KLF4: variants seen among roughly 807,000 people sequenced by gnomAD.
KLF4 encodes the protein Krueppel-like factor 4.
Under a neutral mutation model 38.0 loss-of-function variants are expected in KLF4, and 14 were observed. The observed-to-expected ratio is 0.37, with a 90% confidence interval of 0.24 to 0.58. The LOEUF (loss-of-function observed/expected upper bound fraction) is 0.58. Among genes scored for constraint, KLF4 ranks in the 20% least tolerant of loss-of-function variants. The pLI is 0.76. For missense variants in KLF4, 737 were observed against 670.1 expected (o/e 1.10, Z -1.10); for synonymous variants, 398 against 302.5 (o/e 1.32, Z -3.28).
At position 107,485,390 on chromosome 9, in the gene KLF4, T is replaced by A. The variant is rs1365387426; in HGVS notation, c.*361A>T. ...GGTGATCTTTTATGCTTATATTGCA[T>A]CAATACACAATTCAAGGGAATTCTG... is the stretch of plus-strand genomic sequence containing the variant. On this transcript the variant is annotated 3_prime_UTR_variant, in exon 5 of 5. Coordinates refer to ENST00000374672, the MANE Select transcript of KLF4 (RefSeq NM_004235.6). This position sits in a 1 kb window ranked among gnomAD's most constrained non-coding sequence, Gnocchi z 4.9. 1.2e-5 allele frequency: 3 copies of A among 259,610 alleles called. No individual in the cohort carries two copies. Among genetic ancestry groups the A allele is most frequent in the African/African-American group, 6.5e-5 (3 of 46,046 alleles). 16.1% of individuals were successfully genotyped at this position (259,610 alleles called of 1,614,324 possible).
In KLF4 at chr9:107,487,363, G is replaced by A. The variant is rs764221089; in HGVS notation, c.1031C>T (p.Pro344Leu). 8 of 1,541,674 alleles carry A rather than the reference G, an allele frequency of 5.2e-6. No homozygotes were observed. The African/African-American group carries it at 9.6e-5, about 19-fold the overall frequency. Residue 344 changes from proline to leucine, a missense_variant, in exon 3 of 5, where the codon CCG becomes CTG. Coordinates refer to ENST00000374672, the MANE Select transcript of KLF4 (RefSeq NM_004235.6). This position sits in a 1 kb window ranked among gnomAD's most constrained non-coding sequence, Gnocchi z 6.1. ...CAGGAAGGATGGGTAATTGGGCCCC[G>A]GGTGGGGATGGAAGCCGGGAGGAAG... ...LPLPPGFHPH[P>L]GPNYPSFLPD... is the part of the protein sequence containing the mutation.
At position 107,487,482 on chromosome 9, in the gene KLF4, G is replaced by C. The variant is rs533200058; in HGVS notation, c.912C>G (p.Asp304Glu). Residue 304 changes from aspartate to glutamate, a missense_variant, in exon 3 of 5, where the codon GAC becomes GAG. Physicochemically the swap from Asp to Glu is conservative, Grantham distance 45. Transcript: ENST00000374672. This position sits in a 1 kb window ranked among gnomAD's most constrained non-coding sequence, Gnocchi z 6.1. ...TGGGGAGCTGCCGCCCCAGGGGGAAGTCGTGTGCAGCCGGCCGGTGGCCAT... is the reference window on the plus strand; with the variant it reads ...TGGGGAGCTGCCGCCCCAGGGGGAACTCGTGTGCAGCCGGCCGGTGGCCAT... ...LSNGHRPAAH[D>E]FPLGRQLPSR... The C allele has an allele frequency of 1.9e-6, 3 of 1,541,800 alleles. No homozygotes were observed. The African/African-American group carries it at 4.1e-5, about 21-fold the overall frequency.
Position 107,485,289 on chromosome 9 carries a change from A to G in KLF4, c.*462T>C, listed in dbSNP as rs1829040548. The G allele has an allele frequency of 4.6e-6, 1 of 218,568 alleles. No individual in the cohort carries two copies. The highest frequency in any genetic ancestry group is 9.2e-6 in the Non-Finnish European group (1 of 108,854). The allele number at this position is 218,568 out of a possible 1,614,324, so 13.5% of individuals were successfully genotyped here. A position where few individuals can be genotyped will look rare whatever the true frequency, so the allele number is the denominator to read the frequency against. ...GCACCATCATTTAGGCTATTTAAAC[A>G]TGTTTTCTGTACCTGAATTTCTTCC... is the stretch of plus-strand genomic sequence containing the variant. On this transcript the variant is annotated 3_prime_UTR_variant, in exon 5 of 5. Transcript: ENST00000374672. The surrounding 1 kb of genome is among the most constrained non-coding windows in gnomAD (Gnocchi z 4.9).
chr9:107,488,453 G>A lies in KLF4; in HGVS notation c.127-186C>T, dbSNP rs990936170. The A allele has an allele frequency of 9.5e-7, 1 of 1,053,146 alleles. No individual in the cohort carries two copies. Among genetic ancestry groups the A allele is most frequent in the Non-Finnish European group, 1.3e-6 (1 of 751,958 alleles). The allele number at this position is 1,053,146 out of a possible 1,614,324, so 65.2% of individuals were successfully genotyped here. A position where few individuals can be genotyped will look rare whatever the true frequency, so the allele number is the denominator to read the frequency against. On this transcript the variant is annotated intron_variant, in intron 2 of 4. Transcript: ENST00000374672. The surrounding 1 kb of genome is among the most constrained non-coding windows in gnomAD (Gnocchi z 5.7). ...CCCACTCCCGGGTCGAAGAAGAGGTGATGCGTCTGTATTGCGGGTGTTATG... is the reference window on the plus strand; with the variant it reads ...CCCACTCCCGGGTCGAAGAAGAGGTAATGCGTCTGTATTGCGGGTGTTATG...
chr9:107,487,803 G>A lies in KLF4; in HGVS notation c.591C>T (p.Gly197=), dbSNP rs1321745851. The change falls in exon 3 of 5, where the codon GGC becomes GGT. Residue 197 remains glycine, a synonymous_variant. Coordinates refer to ENST00000374672, the MANE Select transcript of KLF4 (RefSeq NM_004235.6). The surrounding 1 kb of genome is among the most constrained non-coding windows in gnomAD (Gnocchi z 6.1). ...LADINDVSPS[G]GFVAELLRPE... Reference sequence around the variant, plus strand: ...GCCGCAGGAGCTCGGCCACGAAGCCGCCCGAGGGGCTCACGTCGTTGATGT... The same window carrying A: ...GCCGCAGGAGCTCGGCCACGAAGCCACCCGAGGGGCTCACGTCGTTGATGT... 1.3e-6 allele frequency: 2 copies of A among 1,535,184 alleles called. No individual in the cohort carries two copies. Among genetic ancestry groups the A allele is most frequent in the Non-Finnish European group, 1.8e-6 (2 of 1,138,570 alleles).
In KLF4 at chr9:107,485,897, C is replaced by T. The variant is rs753608532; in HGVS notation, c.1294G>A (p.Gly432Ser). The stretch of plus-strand genomic sequence containing the variant: ...GAGCGGGCGAATTTCCATCCACAGC[C>T]GTCCCAGTCACAGTGGTAAGGTTTC... ...GEKPYHCDWD[G>S]CGWKFARSDE... The change falls in exon 5 of 5, where the codon GGC becomes AGC. Residue 432 changes from glycine to serine, a missense_variant. Gly to Ser is a moderately conservative substitution (Grantham distance 56). Coordinates refer to ENST00000374672, the MANE Select transcript of KLF4 (RefSeq NM_004235.6). The surrounding 1 kb of genome is among the most constrained non-coding windows in gnomAD (Gnocchi z 4.9). The T allele has an allele frequency of 1.1e-5, 18 of 1,610,338 alleles. No individual in the cohort carries two copies. Among genetic ancestry groups the T allele is most frequent in the East Asian group, 4.5e-5 (2 of 44,672 alleles).
At chr9:107,486,819 T>C (rs1413936791) in intron 4 of KLF4, among the ~76,000 whole-genome samples, 1 of 152,032 alleles carries the variant, frequency 6.6e-6, no homozygotes, top group Non-Finnish European at 1.5e-5. Flanking sequence ...GGCAGAAAAG[T>C]AGGCGCCGGT....
rs572022198 is a variant in KLF4 at position 107,488,529 on chromosome 9, C to T, written c.127-262G>A. On this transcript the variant is annotated intron_variant, in intron 2 of 4. Transcript: ENST00000374672. This position sits in a 1 kb window ranked among gnomAD's most constrained non-coding sequence, Gnocchi z 5.7. ...CGAGCGCCGCGGCTGGTCCCTCCCCCTCCAGGTCCCGTGGACGTCCCCGGA... is the reference window on the plus strand; with the variant it reads ...CGAGCGCCGCGGCTGGTCCCTCCCCTTCCAGGTCCCGTGGACGTCCCCGGA... 5.4e-6 allele frequency: 3 copies of T among 560,626 alleles called. No individual in the cohort carries two copies. Among genetic ancestry groups the T allele is most frequent in the African/African-American group, 3.9e-5 (2 of 51,848 alleles). 34.7% of individuals were successfully genotyped at this position (560,626 alleles called of 1,614,324 possible). A position where few individuals can be genotyped will look rare whatever the true frequency, so the allele number is the denominator to read the frequency against.
Position 107,487,691 on chromosome 9 carries a change from GCGA to G in KLF4, c.700_702del (p.Ser234del). The G allele has an allele frequency of 6.2e-7, 1 of 1,606,044 alleles. No individual in the cohort carries two copies. Among genetic ancestry groups the G allele is most frequent in the Middle Eastern group, 1.7e-4 (1 of 6,054 alleles). The stretch of plus-strand genomic sequence containing the variant: ...CCGTACTCGCTGCCAGGGGCGCTCA[GCGA>G]CGCCTTCAGCACGAACTTGCCCATC... On this transcript the variant is annotated inframe_deletion, in exon 3 of 5. Coordinates refer to ENST00000374672, the MANE Select transcript of KLF4 (RefSeq NM_004235.6). The surrounding 1 kb of genome is among the most constrained non-coding windows in gnomAD (Gnocchi z 6.1).
chr9:107,486,328 G>A (rs1007004900), intron 4 of KLF4, among the ~76,000 whole-genome samples: 1 of 152,064 alleles, frequency 6.6e-6, no homozygotes, highest in African/African-American at 2.4e-5. Flanking sequence ...GGGATAAAAA[G>A]CCACAGGTGG....
rs1254990920 is a variant in KLF4 at position 107,488,021 on chromosome 9, A to G, written c.373T>C (p.Ser125Pro). The G allele has an allele frequency of 2.2e-5, 35 of 1,608,526 alleles. No homozygotes were observed. Among genetic ancestry groups the G allele is most frequent in the Non-Finnish European group, 2.7e-5 (32 of 1,178,116 alleles). The change falls in exon 3 of 5, where the codon TCC becomes CCC. Residue 125 changes from serine (S) to proline (P), a missense_variant. By Grantham distance (74) the Ser-to-Pro change is moderately conservative (BLOSUM62 -1). Transcript: ENST00000374672. This position sits in a 1 kb window ranked among gnomAD's most constrained non-coding sequence, Gnocchi z 5.7. Reference sequence around the variant, plus strand: ...GAAGAGGAGGCTGACGCTGACGAGGACACGGTGGCGGCCACTGACTCCGGA... The same window carrying G: ...GAAGAGGAGGCTGACGCTGACGAGGGCACGGTGGCGGCCACTGACTCCGGA... The part of the protein sequence containing the change: ...HPPESVAATV[S>P]SSASASSSSS...
Position 107,488,822 on chromosome 9 carries a change from G to C in KLF4, c.126+108C>G, listed in dbSNP as rs774519044. The stretch of plus-strand genomic sequence containing the variant: ...AGGTTGCGGAGTCCGCGCGGTGGCC[G>C]CTCCTTACCCTCGTTCAGTGGCTCT... On this transcript the variant is annotated intron_variant, in intron 2 of 4. Transcript: ENST00000374672. The surrounding 1 kb of genome is among the most constrained non-coding windows in gnomAD (Gnocchi z 5.7). 2.5e-4 allele frequency: 358 copies of C among 1,419,382 alleles called. 1 individual carries two copies. The highest frequency in any genetic ancestry group is 3.2e-4 in the Non-Finnish European group (344 of 1,062,374). 87.9% of individuals were successfully genotyped at this position (1,419,382 alleles called of 1,614,324 possible).
chr9:107,486,178 T>C (rs973295539), intron 4 of KLF4, among the ~76,000 whole-genome samples: 5 of 152,120 alleles, frequency 3.3e-5, no homozygotes, highest in Non-Finnish European at 7.4e-5. Flanking sequence ...ATACTAATGT[T>C]TCACCAAAAA....
chr9:107,486,414 T>C (rs1225568862), intron 4 of KLF4, among the ~76,000 whole-genome samples: 1 of 151,902 alleles, frequency 6.6e-6, no homozygotes, highest in Admixed American at 6.6e-5. Flanking sequence ...TACATTGACA[T>C]GGAAATGCTC....
chr9:107,486,468 C>T (rs946320964), intron 4 of KLF4, among the ~76,000 whole-genome samples: 1 of 151,452 alleles, frequency 6.6e-6, no homozygotes, highest in Non-Finnish European at 1.5e-5. Context: ...CAATTTTGAC[C>T]ATCATATTCT....
Position 107,485,003 on chromosome 9 carries a change from A to T in KLF4, c.*748T>A, listed in dbSNP as rs1197666335. ...TTTATATTACATATTTATTAAGGCA[A>T]GGAACTATATAGAAAAACACATTTG... On this transcript the variant is annotated 3_prime_UTR_variant, in exon 5 of 5. Coordinates refer to ENST00000374672, the MANE Select transcript of KLF4 (RefSeq NM_004235.6). The surrounding 1 kb of genome is among the most constrained non-coding windows in gnomAD (Gnocchi z 4.9). The T allele has an allele frequency of 1.5e-5, 3 of 202,064 alleles. No homozygotes were observed. Among genetic ancestry groups the T allele is most frequent in the Non-Finnish European group, 3.1e-5 (3 of 97,998 alleles). 12.5% of individuals were successfully genotyped at this position (202,064 alleles called of 1,614,324 possible).
Position 107,485,185 on chromosome 9 carries a change from G to GC in KLF4, c.*565_*566insG, listed in dbSNP as rs1564293033. The GC allele has an allele frequency of 5.0e-6, 1 of 201,382 alleles. No individual in the cohort carries two copies. The highest frequency in any genetic ancestry group is 2.3e-5 in the African/African-American group (1 of 43,578). The allele number at this position is 201,382 out of a possible 1,614,324, so 12.5% of individuals were successfully genotyped here. A position where few individuals can be genotyped will look rare whatever the true frequency, so the allele number is the denominator to read the frequency against. Reference sequence around the variant, plus strand: ...AAATGTTGATCGGAAGACAAATATAGATTTTCCTTGTCAAAGTATGCAGCA... The same window carrying GC: ...AAATGTTGATCGGAAGACAAATATAGCATTTTCCTTGTCAAAGTATGCAGCA... On this transcript the variant is annotated 3_prime_UTR_variant, in exon 5 of 5. Transcript: ENST00000374672. This position sits in a 1 kb window ranked among gnomAD's most constrained non-coding sequence, Gnocchi z 4.9.
chr9:107,488,377 G>C lies in KLF4; in HGVS notation c.127-110C>G, dbSNP rs1028602234. The C allele has an allele frequency of 7.0e-7, 1 of 1,437,024 alleles. No individual in the cohort carries two copies. The highest frequency in any genetic ancestry group is 1.4e-5 in the African/African-American group (1 of 69,866). 89.0% of individuals were successfully genotyped at this position (1,437,024 alleles called of 1,614,324 possible). A position where few individuals can be genotyped will look rare whatever the true frequency, so the allele number is the denominator to read the frequency against. Reference sequence around the variant, plus strand: ...ACTGCACCGCCCAGACATGGGGACTGGTCAGGCAGGAAGCACCCGGGAACC... The same window carrying C: ...ACTGCACCGCCCAGACATGGGGACTCGTCAGGCAGGAAGCACCCGGGAACC... On this transcript the variant is annotated intron_variant, in intron 2 of 4. Coordinates refer to ENST00000374672, the MANE Select transcript of KLF4 (RefSeq NM_004235.6). This position sits in a 1 kb window ranked among gnomAD's most constrained non-coding sequence, Gnocchi z 5.7.
In KLF4 at chr9:107,487,089, C is replaced by G. The variant is rs377678291; in HGVS notation, c.1203G>C (p.Ala401=). The change falls in exon 4 of 5, where the codon GCG becomes GCC. Residue 401 remains alanine (A), a synonymous_variant. Coordinates refer to ENST00000374672, the MANE Select transcript of KLF4 (RefSeq NM_004235.6). The surrounding 1 kb of genome is among the most constrained non-coding windows in gnomAD (Gnocchi z 6.1). ...TCTTTGTGTAGGTTTTGCCGCAGCC[C>G]GCGTAATCACAAGTGTGGGTGGCGG... ...KRTATHTCDY[A]GCGKTYTKSS... 52 of 1,614,066 alleles carry G rather than the reference C, an allele frequency of 3.2e-5. No homozygotes were observed. Among genetic ancestry groups the G allele is most frequent in the Non-Finnish European group, 4.1e-5 (48 of 1,180,048 alleles).
Sources: gnomAD v4.1 joint callset for allele counts (sites outside exome capture counted in the v4.1 genomes callset) on GRCh38, gnomAD v4.1.1 for gene constraint, Gnocchi (gnomAD v3.1) non-coding constraint, MANE v1.5 for transcripts, NCBI Gene and HGNC (gene_info 2026-07-23, HGNC 2026-07-21) for gene names.